Variants in PPP1R9A observed in about 807,000 individuals in gnomAD.
PPP1R9A encodes the protein protein phosphatase 1 regulatory subunit 9A, also known as neurabin-1.
Under a neutral mutation model 141.9 loss-of-function variants are expected in PPP1R9A, and 59 were observed. The observed-to-expected ratio is 0.42, with a 90% CI of 0.34 to 0.52. PPP1R9A has a LOEUF of 0.52. Among genes scored for constraint, PPP1R9A ranks in the 20% least tolerant of loss-of-function variants. The probability of loss-of-function intolerance (pLI) is 0.10; values close to 1 mark genes in which losing one functional copy is unlikely to be tolerated. For missense variants in PPP1R9A, 1,444 were observed against 1,611.9 expected (o/e 0.90, Z 1.78); for synonymous variants, 500 against 569.7 (o/e 0.88, Z 1.74).
intron 2 of PPP1R9A, among the ~76,000 whole-genome samples, chr7:94,989,980 C>T (rs1403584129): frequency 1.3e-5 from 2 of 151,714 alleles, no homozygotes; most frequent in Non-Finnish European, 2.9e-5. Flanking sequence ...CTTCATGAAG[C>T]GTTTGATTAG....
At chr7:95,247,113 C>T (rs745739884) in intron 8 of PPP1R9A, among the ~76,000 whole-genome samples, 6 of 152,176 alleles carry the variant, frequency 3.9e-5, no homozygotes, top group South Asian at 2.1e-4. Flanking sequence ...ACACTATCAG[C>T]TCACTTGCCT....
At chr7:95,078,053 A>C (rs982609894) in intron 2 of PPP1R9A, among the ~76,000 whole-genome samples, 4 of 150,584 alleles carry the variant, frequency 2.7e-5, no homozygotes, top group Non-Finnish European at 4.4e-5. Flanking sequence ...ATATGTATAC[A>C]TGTGCCATGC....
At chr7:95,054,294 T>C (rs1385775441) in intron 2 of PPP1R9A, among the ~76,000 whole-genome samples, 4 of 151,838 alleles carry the variant, frequency 2.6e-5, no homozygotes, top group African/African-American at 9.7e-5. Flanking sequence ...TTTTTTTTTT[T>C]TTGTATTTTT....
intron 2 of PPP1R9A, among the ~76,000 whole-genome samples, chr7:95,092,935 C>T (rs1367885146): frequency 6.6e-6 from 1 of 152,138 alleles, no homozygotes; most frequent in Non-Finnish European, 1.5e-5. Flanking sequence ...GCTATAATTG[C>T]TTTGTCTATG....
intron 2 of PPP1R9A, among the ~76,000 whole-genome samples, chr7:94,999,948 C>T (rs1802685766): frequency 6.6e-6 from 1 of 151,878 alleles, no homozygotes; most frequent in Non-Finnish European, 1.5e-5. Flanking sequence ...ATTACAGGTG[C>T]CTGCCACCAC....
At chr7:94,970,825 A>C (rs1189624077) in intron 2 of PPP1R9A, among the ~76,000 whole-genome samples, 1 of 151,910 alleles carries the variant, frequency 6.6e-6, no homozygotes, top group Non-Finnish European at 1.5e-5. Flanking sequence ...TCTGTATATA[A>C]AGAACTGACA....
At chr7:95,068,202 G>A (rs1370390524) in intron 2 of PPP1R9A, among the ~76,000 whole-genome samples, 1 of 152,160 alleles carries the variant, frequency 6.6e-6, no homozygotes, top group African/African-American at 2.4e-5. Context: ...AGGCGTGGTG[G>A]CTCACGCCTG....
intron 19 of PPP1R9A, 151 bp from the exon 20 acceptor site, chr7:95,289,940 T>C: frequency 7.8e-7 from 1 of 1,282,982 alleles, no homozygotes; most frequent in Non-Finnish European, 1.0e-6. Flanking sequence ...GCCCCCAGTG[T>C]GTTGGTTTTT....
intron 4 of PPP1R9A, among the ~76,000 whole-genome samples, chr7:95,144,048 A>G (rs1827164580): frequency 6.6e-6 from 1 of 152,154 alleles, no homozygotes; most frequent in South Asian, 2.1e-4. Flanking sequence ...TAAGTACACA[A>G]TATGTTATTG....
intron 8 of PPP1R9A, among the ~76,000 whole-genome samples, chr7:95,233,541 A>C (rs929345242): frequency 2.0e-5 from 3 of 151,980 alleles, no homozygotes; most frequent in Non-Finnish European, 4.4e-5. Flanking sequence ...AATGTAAAAA[A>C]TTGCCAACAA....
intron 2 of PPP1R9A, among the ~76,000 whole-genome samples, chr7:94,970,156 G>C (rs1370515308): frequency 6.6e-6 from 1 of 152,096 alleles, no homozygotes; most frequent in Non-Finnish European, 1.5e-5. Flanking sequence ...GGGAGTGAAC[G>C]GTTCTGTCTC....
At chr7:95,185,556 GT>G (rs892859058) in intron 5 of PPP1R9A, among the ~76,000 whole-genome samples, 2 of 151,998 alleles carry the variant, frequency 1.3e-5, no homozygotes, top group African/African-American at 2.4e-5. Context: ...ATTTACCTTT[GT>G]TTTTGTTGCA....
intron 5 of PPP1R9A, among the ~76,000 whole-genome samples, chr7:95,194,583 A>G (rs1338373199): frequency 1.3e-5 from 2 of 152,096 alleles, no homozygotes; most frequent in Admixed American, 1.3e-4. Context: ...GAAATCTGCA[A>G]AGGTACTAGG....
At chr7:95,116,173 A>G (rs1019107233) in intron 3 of PPP1R9A, among the ~76,000 whole-genome samples, 1 of 152,166 alleles carries the variant, frequency 6.6e-6, no homozygotes, top group East Asian at 1.9e-4. Context: ...TACAATACCT[A>G]CAGAGAATTC....
intron 2 of PPP1R9A, among the ~76,000 whole-genome samples, chr7:94,995,513 G>A (rs974589582): frequency 2.0e-5 from 3 of 150,186 alleles, no homozygotes; most frequent in African/African-American, 7.3e-5. Context: ...TTTTTTTCCT[G>A]TGTGTCTCAT....
chr7:95,274,011 A>T, intron 15 of PPP1R9A, 25 bp downstream of exon 15: 1 of 1,500,664 alleles, frequency 6.7e-7, no homozygotes, highest in Non-Finnish European at 9.1e-7. Context: ...ATGTAAAAAG[A>T]AAGCCCTCTG....
At position 95,284,124 on chromosome 7, in the gene PPP1R9A, A is replaced by G; in HGVS notation, c.3403A>G (p.Lys1135Glu). 6.3e-7 allele frequency: 1 copy of G among 1,590,832 alleles called. No individual in the cohort carries two copies. Among genetic ancestry groups the G allele is most frequent in the Non-Finnish European group, 8.5e-7 (1 of 1,171,886 alleles). The change falls in exon 17 of 20, where the codon AAA becomes GAA. Residue 1135 changes from lysine to glutamate, a missense_variant. Lys to Glu is a moderately conservative substitution (Grantham distance 56). Coordinates refer to ENST00000433360, the MANE Select transcript of PPP1R9A (RefSeq NM_001166160.2). Reference sequence around the variant, plus strand: ...TTTCTCATGGTTTAATGACAGCCGGAAAGGATCCTATTCCTTCAGGAACCT... The same window carrying G: ...TTTCTCATGGTTTAATGACAGCCGGGAAGGATCCTATTCCTTCAGGAACCT... ...MPFSWFNDSRKGSYSFRNLPA... is the reference protein window; with the variant it reads ...MPFSWFNDSREGSYSFRNLPA...
intron 18 of PPP1R9A, among the ~76,000 whole-genome samples, chr7:95,287,496 T>G (rs1488160710): frequency 6.6e-6 from 1 of 152,152 alleles, no homozygotes; most frequent in Non-Finnish European, 1.5e-5. Context: ...CTTCAAGACC[T>G]ATCATCACCT....
At chr7:95,006,305 C>T (rs1291916503) in intron 2 of PPP1R9A, among the ~76,000 whole-genome samples, 1 of 151,920 alleles carries the variant, frequency 6.6e-6, no homozygotes, top group African/African-American at 2.4e-5. Flanking sequence ...ATAACCTCCG[C>T]CTCCCAGGTT....
Sources: gnomAD v4.1 joint callset for allele counts (sites outside exome capture counted in the v4.1 genomes callset) on GRCh38, gnomAD v4.1.1 for gene constraint, MANE v1.5 for transcripts, NCBI Gene and HGNC (gene_info 2026-07-23, HGNC 2026-07-21) for gene names.